Variants in TMEM213 observed in about 807,000 individuals in gnomAD.
TMEM213 encodes the protein transmembrane protein 213.
A neutral mutation model predicts 11.6 loss-of-function variants in TMEM213; 7 were observed. That is an observed-to-expected ratio of 0.60 (90% confidence interval 0.34 to 1.13). The LOEUF (loss-of-function observed/expected upper bound fraction) is 1.13, where lower values mean the gene tolerates loss of function less well. TMEM213 is among the 50% of genes most tolerant of loss of function. The probability of loss-of-function intolerance (pLI) is 0.03; values close to 1 mark genes in which losing one functional copy is unlikely to be tolerated. For synonymous variants in TMEM213, 60 were observed against 58.3 expected, an observed-to-expected ratio of 1.03 and a Z score of -0.13; for missense variants, 129 against 139.0, an observed-to-expected ratio of 0.93 and a Z score of 0.36.
rs529096757 is a variant in TMEM213 at position 138,804,332 on chromosome 7, A to G, written c.*1263A>G. 7 of 151,948 alleles carry G rather than the reference A, an allele frequency of 4.6e-5. No individual in the cohort carries two copies. In the South Asian group the frequency reaches 1.5e-3, roughly 32 times the overall value. 9.4% of individuals were successfully genotyped at this position (151,948 alleles called of 1,614,324 possible). A position where few individuals can be genotyped will look rare whatever the true frequency, so the allele number is the denominator to read the frequency against. Reference sequence around the variant, plus strand: ...CAGGAGTAAGGATTCCGACTGGTCCACTCCTCATCCTGGTGTCTTCAGCTT... The same window carrying G: ...CAGGAGTAAGGATTCCGACTGGTCCGCTCCTCATCCTGGTGTCTTCAGCTT... On this transcript the variant is annotated 3_prime_UTR_variant, in exon 3 of 3. Coordinates refer to ENST00000442682, the MANE Select transcript of TMEM213 (RefSeq NM_001085429.2).
At position 138,805,368 on chromosome 7, in the gene TMEM213, C is replaced by G. The variant is rs1390030542; in HGVS notation, c.*2299C>G. ...CATGTTTGTGCCACTGCACTCCAGC[C>G]TGGGCAACAAAGTGAGACCCTGTCT... is the stretch of plus-strand genomic sequence containing the variant. On this transcript the variant is annotated 3_prime_UTR_variant, in exon 3 of 3. Coordinates refer to ENST00000442682, the MANE Select transcript of TMEM213 (RefSeq NM_001085429.2). 2 of 150,080 alleles carry G rather than the reference C, an allele frequency of 1.3e-5. No homozygotes were observed. Among genetic ancestry groups the G allele is most frequent in the Non-Finnish European group, 2.9e-5 (2 of 67,836 alleles). The allele number at this position is 150,080 out of a possible 1,614,324, so 9.3% of individuals were successfully genotyped here.
In TMEM213 at chr7:138,805,862, G is replaced by A. The variant is rs1180327698; in HGVS notation, c.*2793G>A. 1 of 147,638 alleles carries A rather than the reference G, an allele frequency of 6.8e-6. No homozygotes were observed. Among genetic ancestry groups the A allele is most frequent in the African/African-American group, 2.7e-5 (1 of 37,218 alleles). The allele number at this position is 147,638 out of a possible 1,614,324, so 9.1% of individuals were successfully genotyped here. A position where few individuals can be genotyped will look rare whatever the true frequency, so the allele number is the denominator to read the frequency against. ...TGGCTCTTGTGTCTTTAAACCTTGT[G>A]GTAGGATTTTTTTTTTTTTCTGCTT... On this transcript the variant is annotated 3_prime_UTR_variant, in exon 3 of 3. Transcript: ENST00000442682.
chr7:138,804,161 CCTCCCCGGCTCATCA>C lies in TMEM213; in HGVS notation c.*1099_*1113del, dbSNP rs1380539734. 1 of 152,320 alleles carries C rather than the reference CCTCCCCGGCTCATCA, an allele frequency of 6.6e-6. No homozygotes were observed. Among genetic ancestry groups the C allele is most frequent in the African/African-American group, 2.4e-5 (1 of 41,436 alleles). The allele number at this position is 152,320 out of a possible 1,614,324, so 9.4% of individuals were successfully genotyped here. A position where few individuals can be genotyped will look rare whatever the true frequency, so the allele number is the denominator to read the frequency against. On this transcript the variant is annotated 3_prime_UTR_variant, in exon 3 of 3. Coordinates refer to ENST00000442682, the MANE Select transcript of TMEM213 (RefSeq NM_001085429.2). ...CTGTCCTCACTGTCTTGAGGATCTTCCTCCCCGGCTCATCACTCCCCATGGGCAGCTGCCAGGGTA... is the reference window on the plus strand; with the variant it reads ...CTGTCCTCACTGTCTTGAGGATCTTCCTCCCCATGGGCAGCTGCCAGGGTA...
intron 2 of TMEM213, chr7:138,801,642 C>A: frequency 3.9e-6 from 2 of 517,514 alleles, no homozygotes; most frequent in East Asian, 3.1e-5. Flanking sequence ...CATCCCAGGT[C>A]AGCAGCTAAC....
At position 138,802,967 on chromosome 7, in the gene TMEM213, G is replaced by C. The variant is rs375803980; in HGVS notation, c.222G>C (p.Ala74=). The change falls in exon 3 of 3, where the codon GCG becomes GCC. Residue 74 remains alanine (A), a synonymous_variant. Coordinates refer to ENST00000442682, the MANE Select transcript of TMEM213 (RefSeq NM_001085429.2). Reference sequence around the variant, plus strand: ...GAGTGGACGAGTACGGCTGGATCGCGGCAGCTGTTGGCTGGAGCCTCTGGT... The same window carrying C: ...GAGTGGACGAGTACGGCTGGATCGCCGCAGCTGTTGGCTGGAGCCTCTGGT... The part of the protein sequence containing the change: ...RTGVDEYGWI[A]AAVGWSLWFL... The C allele has an allele frequency of 1.2e-6, 2 of 1,612,894 alleles. No homozygotes were observed. Among genetic ancestry groups the C allele is most frequent in the South Asian group, 2.2e-5 (2 of 90,972 alleles).
At chr7:138,799,442 T>C (rs1228962547) in intron 1 of TMEM213, 1 of 152,220 alleles carries the variant, frequency 6.6e-6, no homozygotes, top group East Asian at 1.9e-4. Flanking sequence ...CCTCCCTCGC[T>C]TCTGGCTCTG....
At position 138,802,883 on chromosome 7, in the gene TMEM213, T is replaced by C. The variant is rs1182712972; in HGVS notation, c.155-17T>C. Reference sequence around the variant, plus strand: ...TGGTGGTGCATGCCGTCGTCCTTGCTGTCCCTTCCCCACCAGACGTGGACT... The same window carrying C: ...TGGTGGTGCATGCCGTCGTCCTTGCCGTCCCTTCCCCACCAGACGTGGACT... On this transcript the variant is annotated splice_polypyrimidine_tract_variant and intron_variant, in intron 2 of 2. Coordinates refer to ENST00000442682, the MANE Select transcript of TMEM213 (RefSeq NM_001085429.2). 1.9e-6 allele frequency: 3 copies of C among 1,540,442 alleles called. No individual in the cohort carries two copies. The highest frequency in any genetic ancestry group is 2.5e-5 in the South Asian group (2 of 78,456).
Position 138,800,195 on chromosome 7 carries a change from G to A in TMEM213, c.83-1132G>A, listed in dbSNP as rs531678341. On this transcript the variant is annotated intron_variant, in intron 1 of 2. Transcript: ENST00000442682. ...CCAATATGGTAGCCACTAGTCACAC[G>A]CGGCAATGGAACCCTTGGCATGGGT... 1.4e-3 allele frequency among the ~76,000 whole-genome samples: 213 copies of A among 152,216 alleles called. 8 individuals are homozygous for A. The South Asian group carries it at 0.044, about 31-fold the overall frequency.
In TMEM213 at chr7:138,805,173, T is replaced by C. The variant is rs1288710209; in HGVS notation, c.*2104T>C. 2.0e-5 allele frequency: 3 copies of C among 150,316 alleles called. No homozygotes were observed. Among genetic ancestry groups the C allele is most frequent in the Non-Finnish European group, 2.9e-5 (2 of 67,868 alleles). The allele number at this position is 150,316 out of a possible 1,614,324, so 9.3% of individuals were successfully genotyped here. Reference sequence around the variant, plus strand: ...GGATTTCTTGTTCCTAAGTGTTAAATGATCACATACATAAAAGAGTCTGAG... The same window carrying C: ...GGATTTCTTGTTCCTAAGTGTTAAACGATCACATACATAAAAGAGTCTGAG... On this transcript the variant is annotated 3_prime_UTR_variant, in exon 3 of 3. Coordinates refer to ENST00000442682, the MANE Select transcript of TMEM213 (RefSeq NM_001085429.2).
Position 138,804,802 on chromosome 7 carries a change from GT to G in TMEM213, c.*1735del, listed in dbSNP as rs1809049594. 4 of 152,176 alleles carry G rather than the reference GT, an allele frequency of 2.6e-5. No individual in the cohort carries two copies. The highest frequency in any genetic ancestry group is 2.1e-4 in the South Asian group (1 of 4,834). The allele number at this position is 152,176 out of a possible 1,614,324, so 9.4% of individuals were successfully genotyped here. The stretch of plus-strand genomic sequence containing the variant: ...CTGTCACTTAGCATGGAGAGTGGAC[GT>G]TGCACATCACTGTGAAACCTTGCAG... On this transcript the variant is annotated 3_prime_UTR_variant, in exon 3 of 3. Coordinates refer to ENST00000442682, the MANE Select transcript of TMEM213 (RefSeq NM_001085429.2).
At chr7:138,798,838 T>G (rs1808825157) in intron 1 of TMEM213, among the ~76,000 whole-genome samples, 1 of 152,148 alleles carries the variant, frequency 6.6e-6, no homozygotes, top group African/African-American at 2.4e-5. Context: ...CAGAGGGACC[T>G]TGGTTACCAT....
rs926647254 is a variant in TMEM213, at chr7:138,806,383, C to G, written c.*3314C>G. 3 of 152,280 alleles carry G rather than the reference C, an allele frequency of 2.0e-5. No individual in the cohort carries two copies. Among genetic ancestry groups the G allele is most frequent in the African/African-American group, 7.2e-5 (3 of 41,444 alleles). 9.4% of individuals were successfully genotyped at this position (152,280 alleles called of 1,614,324 possible). A position where few individuals can be genotyped will look rare whatever the true frequency, so the allele number is the denominator to read the frequency against. On this transcript the variant is annotated 3_prime_UTR_variant, in exon 3 of 3. Transcript: ENST00000442682. The stretch of plus-strand genomic sequence containing the variant: ...AAAAAATTATTTGGGACTGGTGGCG[C>G]ATGCCTGTGGTCCCAGCTACTCGGG...
rs1563032723 is a variant in TMEM213, at chr7:138,806,231, T to A, written c.*3162T>A. On this transcript the variant is annotated 3_prime_UTR_variant, in exon 3 of 3. Coordinates refer to ENST00000442682, the MANE Select transcript of TMEM213 (RefSeq NM_001085429.2). ...ATAAGTTAAAAAAGATAATCTGGGC[T>A]GGATGTGGTGGCTCACTCCTGTAAT... The A allele has an allele frequency of 6.6e-6, 1 of 152,214 alleles. No individual in the cohort carries two copies. The highest frequency in any genetic ancestry group is 1.5e-5 in the Non-Finnish European group (1 of 68,056). 9.4% of individuals were successfully genotyped at this position (152,214 alleles called of 1,614,324 possible).
chr7:138,806,643 C>T lies in TMEM213; in HGVS notation c.*3574C>T, dbSNP rs1319252137. 2.6e-5 allele frequency: 4 copies of T among 152,238 alleles called. No individual in the cohort carries two copies. The highest frequency in any genetic ancestry group is 4.4e-5 in the Non-Finnish European group (3 of 68,052). 9.4% of individuals were successfully genotyped at this position (152,238 alleles called of 1,614,324 possible). ...TGGACTTTTCATTTTAAAACTTTGCCTCTAGCAGTGGACACTGTCCTCAAC... is the reference window on the plus strand; with the variant it reads ...TGGACTTTTCATTTTAAAACTTTGCTTCTAGCAGTGGACACTGTCCTCAAC... On this transcript the variant is annotated 3_prime_UTR_variant, in exon 3 of 3. Coordinates refer to ENST00000442682, the MANE Select transcript of TMEM213 (RefSeq NM_001085429.2).
intron 2 of TMEM213, among the ~76,000 whole-genome samples, chr7:138,802,308 G>C (rs1476690869): frequency 6.6e-6 from 1 of 152,174 alleles, no homozygotes; most frequent in Non-Finnish European, 1.5e-5. Flanking sequence ...CCAGCACTTT[G>C]GGAGGCCCAG....
In TMEM213 at chr7:138,800,135, T is replaced by C. The variant is rs189376749; in HGVS notation, c.83-1192T>C. On this transcript the variant is annotated intron_variant, in intron 1 of 2. Coordinates refer to ENST00000442682, the MANE Select transcript of TMEM213 (RefSeq NM_001085429.2). ...CACTGTCTAATAATAGAACTTGCACTGAGGGTGGAAATGTCCCATGTCTGA... is the reference window on the plus strand; with the variant it reads ...CACTGTCTAATAATAGAACTTGCACCGAGGGTGGAAATGTCCCATGTCTGA... Among the ~76,000 whole-genome samples, 660 of 152,306 alleles carry C rather than the reference T, an allele frequency of 4.3e-3. 3 individuals carry two copies. Among genetic ancestry groups the C allele is most frequent in the Admixed American group, 9.2e-3 (141 of 15,298 alleles).
Position 138,803,064 on chromosome 7 carries a change from G to A in TMEM213, c.319G>A (p.Ala107Thr), listed in dbSNP as rs1387776989. ...TCCAGATGAGCCCAAGGACTTGCAA[G>A]CGTGAGACCCAGGCTCGGTGCACAA... is the stretch of plus-strand genomic sequence containing the variant. Reference protein sequence around the residue: ...LTPDEPKDLQA With the variant: ...LTPDEPKDLQT Residue 107 changes from alanine (A) to threonine (T), a missense_variant, in exon 3 of 3, where the codon GCG (alanine) becomes ACG (threonine). By Grantham distance (58) the Ala-to-Thr change is moderately conservative. Transcript: ENST00000442682. The A allele has an allele frequency of 2.5e-6, 4 of 1,612,920 alleles. No homozygotes were observed.
In TMEM213 at chr7:138,803,441, C is replaced by T; in HGVS notation, c.*372C>T. ...CTTCTCACCAAAACCAGGTTATCTGCTTCTGTCCCTGGCTTGAGTCCTGGG... is the reference window on the plus strand; with the variant it reads ...CTTCTCACCAAAACCAGGTTATCTGTTTCTGTCCCTGGCTTGAGTCCTGGG... On this transcript the variant is annotated 3_prime_UTR_variant, in exon 3 of 3. Coordinates refer to ENST00000442682, the MANE Select transcript of TMEM213 (RefSeq NM_001085429.2). 4.4e-6 allele frequency: 1 copy of T among 228,950 alleles called. No individual in the cohort carries two copies. The allele number at this position is 228,950 out of a possible 1,614,324, so 14.2% of individuals were successfully genotyped here.
In TMEM213 at chr7:138,805,833, C is replaced by T. The variant is rs763596134; in HGVS notation, c.*2764C>T. 2.0e-5 allele frequency: 3 copies of T among 151,824 alleles called. No homozygotes were observed. Among genetic ancestry groups the T allele is most frequent in the African/African-American group, 2.4e-5 (1 of 41,290 alleles). The allele number at this position is 151,824 out of a possible 1,614,324, so 9.4% of individuals were successfully genotyped here. On this transcript the variant is annotated 3_prime_UTR_variant, in exon 3 of 3. Transcript: ENST00000442682. ...GGCCCGTTGTTCTTTCAACCTGAGC[C>T]GCATGGCTCTTGTGTCTTTAAACCT...
Sources: allele counts gnomAD v4.1 joint callset (sites outside exome capture counted in the v4.1 genomes callset), GRCh38; gene constraint gnomAD v4.1.1; transcripts MANE v1.5; gene names NCBI Gene and HGNC (gene_info 2026-07-23, HGNC 2026-07-21).